The following HDAC9 variants were observed in gnomAD, a reference collection of about 807,000 sequenced individuals.
HDAC9 encodes the protein histone deacetylase 9, also known as MEF-2 interacting transcription repressor (MITR) protein.
HDAC9 carries 41 observed loss-of-function variants against 139.4 expected under a neutral mutation model. The ratio of observed to expected loss-of-function variants is 0.29; its 90% confidence interval spans 0.23 to 0.38. HDAC9 has a LOEUF of 0.38. HDAC9 is among the 10% of genes least tolerant of loss of function. HDAC9 has a pLI of 1.00. For missense variants in HDAC9, 1,147 were observed against 1,297.0 expected (o/e 0.88, Z 1.78); for synonymous variants, 517 against 476.2 (o/e 1.09, Z -1.12).
chr7:18,209,337 G>C (rs1791771394), intron 2 of HDAC9, among the ~76,000 whole-genome samples: 1 of 152,162 alleles, frequency 6.6e-6, no homozygotes, highest in Non-Finnish European at 1.5e-5. Flanking sequence ...AAGCCTCAGG[G>C]AGAAATGAGC....
chr7:18,972,528 G>A (rs1191432178), intron 24 of HDAC9, among the ~76,000 whole-genome samples: 1 of 151,886 alleles, frequency 6.6e-6, no homozygotes, highest in Admixed American at 6.6e-5. Flanking sequence ...TTATAGGCAT[G>A]CACCACCACG....
rs927709576 is a variant in HDAC9, at chr7:18,644,920, T to C, written c.1035+127T>C. On this transcript the variant is annotated intron_variant, in intron 9 of 25. Transcript: ENST00000686413. The stretch of plus-strand genomic sequence containing the variant: ...ACAGAGCCAGCATCTCCTTCACTGT[T>C]TGCTATTTGCTGTGTTGTTCAAAGA... 3.5e-6 allele frequency: 3 copies of C among 852,470 alleles called. No individual in the cohort carries two copies. The East Asian group carries it at 8.5e-5, about 24-fold the overall frequency. 52.8% of individuals were successfully genotyped at this position (852,470 alleles called of 1,614,324 possible). A position where few individuals can be genotyped will look rare whatever the true frequency, so the allele number is the denominator to read the frequency against.
In HDAC9 at chr7:18,997,473, T is replaced by C. The variant is rs1786533875; in HGVS notation, c.*1411T>C. 1 of 152,160 alleles carries C rather than the reference T, an allele frequency of 6.6e-6. No individual in the cohort carries two copies. The highest frequency in any genetic ancestry group is 1.5e-5 in the Non-Finnish European group (1 of 68,002). The allele number at this position is 152,160 out of a possible 1,614,324, so 9.4% of individuals were successfully genotyped here. The stretch of plus-strand genomic sequence containing the variant: ...AACATATAACTCAAACACCTAAACA[T>C]ATTGAGGTAGAATATCTCACAGTAT... On this transcript the variant is annotated 3_prime_UTR_variant, in exon 26 of 26. Coordinates refer to ENST00000686413, the MANE Select transcript of HDAC9 (RefSeq NM_178425.4).
At chr7:18,363,138 C>G (rs1783912991) in intron 1 of HDAC9, among the ~76,000 whole-genome samples, 1 of 152,052 alleles carries the variant, frequency 6.6e-6, no homozygotes, top group Non-Finnish European at 1.5e-5. Context: ...TTCGGTTTAT[C>G]TTTTTTAAGG....
In HDAC9 at chr7:18,585,472, C is replaced by A. The variant is rs1464961368; in HGVS notation, c.214C>A (p.His72Asn). 6.2e-7 allele frequency: 1 copy of A among 1,613,900 alleles called. No individual in the cohort carries two copies. The highest frequency in any genetic ancestry group is 1.7e-5 in the Admixed American group (1 of 60,012). ...TCTGATAGCAGAGTTTCAGAAACAG[C>A]ATGAGAACTTGACACGGCAGCACCA... ...QLLIAEFQKQ[H>N]ENLTRQHQAQ... Residue 72 changes from histidine to asparagine, a missense_variant, in exon 3 of 26, where the codon CAT (histidine) becomes AAT (asparagine). His to Asn is a moderately conservative substitution (Grantham distance 68, BLOSUM62 1). Around this residue, in one of 7 missense-constraint regions of HDAC9, gnomAD observed 136 missense variants for 183.5 expected, o/e 0.74. Transcript: ENST00000686413.
chr7:18,503,994 G>C (rs906881336), intron 2 of HDAC9, among the ~76,000 whole-genome samples: 1 of 152,136 alleles, frequency 6.6e-6, no homozygotes, highest in African/African-American at 2.4e-5. Flanking sequence ...AAATTTCACT[G>C]AGTTTTCATT....
chr7:18,200,495 G>A (rs888334773), intron 2 of HDAC9, among the ~76,000 whole-genome samples: 1 of 152,022 alleles, frequency 6.6e-6, no homozygotes, highest in Non-Finnish European at 1.5e-5. Context: ...TTTTTGGCCT[G>A]GCTCAAATGT....
intron 25 of HDAC9, among the ~76,000 whole-genome samples, chr7:18,990,746 C>T (rs1204485774): frequency 6.6e-6 from 1 of 152,196 alleles, no homozygotes; most frequent in Non-Finnish European, 1.5e-5. Flanking sequence ...GATATAATCT[C>T]CTGGTGCGCC....
chr7:18,511,903 A>G (rs933701418), intron 2 of HDAC9, among the ~76,000 whole-genome samples: 4 of 151,888 alleles, frequency 2.6e-5, no homozygotes, highest in Non-Finnish European at 5.9e-5. Context: ...AGTGGTTTTC[A>G]TATGCTATTA....
intron 12 of HDAC9, among the ~76,000 whole-genome samples, chr7:18,674,504 T>C (rs968158236): frequency 6.6e-6 from 1 of 152,100 alleles, no homozygotes. Context: ...GTAATTCTTA[T>C]TTATCATTAT....
chr7:18,294,607 A>G (rs1389733162), intron 1 of HDAC9, among the ~76,000 whole-genome samples: 1 of 152,126 alleles, frequency 6.6e-6, no homozygotes, highest in Non-Finnish European at 1.5e-5. Context: ...AGTTGCTTAG[A>G]GGTACTGGCA....
rs572351905 is a variant in HDAC9, at chr7:18,997,176, G to A, written c.*1114G>A. ...ATTGCATTTTATTAACTGTGAAGCCGTTGAAATGAATATCACTTAAGCAAC... is the reference window on the plus strand; with the variant it reads ...ATTGCATTTTATTAACTGTGAAGCCATTGAAATGAATATCACTTAAGCAAC... On this transcript the variant is annotated 3_prime_UTR_variant, in exon 26 of 26. Coordinates refer to ENST00000686413, the MANE Select transcript of HDAC9 (RefSeq NM_178425.4). 5 of 152,016 alleles carry A rather than the reference G, an allele frequency of 3.3e-5. No homozygotes were observed. Among genetic ancestry groups the A allele is most frequent in the African/African-American group, 9.6e-5 (4 of 41,480 alleles). 9.4% of individuals were successfully genotyped at this position (152,016 alleles called of 1,614,324 possible).
chr7:18,668,492 C>T, intron 12 of HDAC9: 1 of 978,526 alleles, frequency 1.0e-6, no homozygotes. Flanking sequence ...GCTGAGCAGA[C>T]TTTTGTATAA....
intron 17 of HDAC9, 71 bp from the exon 18 acceptor site, chr7:18,829,090 G>A: frequency 2.9e-6 from 3 of 1,050,938 alleles, no homozygotes; most frequent in Non-Finnish European, 4.5e-6. Flanking sequence ...GTTGTGCCTG[G>A]AGATCCAAGC....
chr7:18,309,626 A>G lies in HDAC9; in HGVS notation c.-42+19111A>G, dbSNP rs972283601. ...TTTAAACAAGAGGGAACATTTGGGG[A>G]CTGTTTCCAAACAGGGAACATTTAT... On this transcript the variant is annotated intron_variant, in intron 1 of 3. Coordinates refer to the HDAC9 transcript ENST00000413509. Among the ~76,000 whole-genome samples the G allele has an allele frequency of 4.6e-5, 7 of 152,264 alleles. No homozygotes were observed. In the East Asian group the frequency reaches 1.4e-3, roughly 29 times the overall value.
chr7:18,511,828 C>T (rs912049138), intron 2 of HDAC9, among the ~76,000 whole-genome samples: 19 of 152,108 alleles, frequency 1.2e-4, no homozygotes, highest in African/African-American at 4.3e-4. Flanking sequence ...TTTTGCCAAT[C>T]TTAAAGATGA....
chr7:18,833,686 A>G (rs535713080), intron 19 of HDAC9, among the ~76,000 whole-genome samples: 10 of 152,276 alleles, frequency 6.6e-5, no homozygotes, highest in African/African-American at 2.2e-4. Context: ...CTGATGATGT[A>G]TGTCTTTAGC....
In HDAC9 at chr7:18,972,882, A is replaced by T. The variant is rs184884888; in HGVS notation, c.3023-2924A>T. ...AGAAAATGTGTGTCAACTGAATCAC[A>T]TATCTTAAAGTACAAGGGTAATGTA... On this transcript the variant is annotated intron_variant, in intron 24 of 25. Coordinates refer to ENST00000686413, the MANE Select transcript of HDAC9 (RefSeq NM_178425.4). Among the ~76,000 whole-genome samples, 3 of 152,380 alleles carry T rather than the reference A, an allele frequency of 2.0e-5. No homozygotes were observed. The East Asian group carries it at 5.8e-4, about 29-fold the overall frequency.
At chr7:18,783,388 T>C (rs1379857278) in intron 16 of HDAC9, among the ~76,000 whole-genome samples, 4 of 152,142 alleles carry the variant, frequency 2.6e-5, no homozygotes, top group African/African-American at 4.8e-5. Flanking sequence ...CCTATATCTG[T>C]TGTGAAGAAA....
Sources: allele counts gnomAD v4.1 joint callset (sites outside exome capture counted in the v4.1 genomes callset), GRCh38; gene constraint gnomAD v4.1.1; regional missense constraint gnomAD v4.1.1; transcripts MANE v1.5; gene names NCBI Gene and HGNC (gene_info 2026-07-23, HGNC 2026-07-21).